DOCK3: variants seen among roughly 807,000 people sequenced by gnomAD.
DOCK3 encodes dedicator of cytokinesis 3.
In DOCK3, 60 loss-of-function variants were observed where a neutral mutation model predicts 265.6. The observed-to-expected ratio is 0.23, with a 90% CI of 0.18 to 0.28. The LOEUF is 0.28. Among genes scored for constraint, DOCK3 ranks in the 10% least tolerant of loss-of-function variants. The pLI is 1.00. For synonymous variants in DOCK3, 881 were observed against 938.0 expected, an observed-to-expected ratio of 0.94 and a Z score of 1.11; for missense variants, 1,981 against 2,594.3, an observed-to-expected ratio of 0.76 and a Z score of 5.14.
chr3:51,112,487 T>G (rs965934388), intron 9 of DOCK3, among the ~76,000 whole-genome samples: 8 of 152,246 alleles, frequency 5.3e-5, no homozygotes, highest in African/African-American at 1.7e-4. Flanking sequence ...GCCATGGTGA[T>G]TCCCTAAGCA....
intron 12 of DOCK3, among the ~76,000 whole-genome samples, chr3:51,201,025 C>A (rs1167225570): frequency 1.3e-5 from 2 of 152,016 alleles, no homozygotes; most frequent in African/African-American, 4.8e-5. Context: ...CTGAGGGAAG[C>A]ACTAAACATG....
chr3:50,817,683 T>TCTTTGGGGCTATTTTTTTTTTCC (rs1351655685), intron 2 of DOCK3, among the ~76,000 whole-genome samples: 1 of 151,260 alleles, frequency 6.6e-6, no homozygotes, highest in Non-Finnish European at 1.5e-5. Context: ...CTACTTTTTC[T>TCTTTGGGGCTATTTTTTTTTTCC]CTTTGGGGCT....
chr3:51,061,687 A>G (rs903087482), intron 5 of DOCK3, among the ~76,000 whole-genome samples: 5 of 151,992 alleles, frequency 3.3e-5, no homozygotes, highest in Admixed American at 6.6e-5. Context: ...CGTTGTGAAC[A>G]TGTACCCTAA....
At chr3:51,345,627 A>AC (rs971143119) in intron 38 of DOCK3, among the ~76,000 whole-genome samples, 19 of 152,250 alleles carry the variant, frequency 1.2e-4, no homozygotes, top group Admixed American at 1.2e-3. Flanking sequence ...GTTTCCAAAA[A>AC]AAACAAACAA....
intron 51 of DOCK3, chr3:51,379,468 C>T (rs1203812344): frequency 2.0e-6 from 2 of 985,472 alleles, no homozygotes; most frequent in Non-Finnish European, 2.4e-6. Flanking sequence ...CAGCCCCCAG[C>T]AGCTGGAGTC....
intron 3 of DOCK3, chr3:50,876,734 G>T: frequency 6.5e-6 from 1 of 153,272 alleles, no homozygotes; most frequent in South Asian, 1.9e-4. Context: ...ATTTACTGAT[G>T]AGATTCATAA....
chr3:51,377,706 C>T (rs748378325), intron 51 of DOCK3, among the ~76,000 whole-genome samples: 32 of 152,246 alleles, frequency 2.1e-4, no homozygotes, highest in Non-Finnish European at 3.2e-4. Flanking sequence ...AACTTGATGG[C>T]TTCTGGTTTA....
intron 5 of DOCK3, among the ~76,000 whole-genome samples, chr3:51,041,637 A>G (rs557017835): frequency 3.3e-4 from 51 of 152,244 alleles, no homozygotes; most frequent in African/African-American, 1.2e-3. Flanking sequence ...CATCTCCATC[A>G]AGATCTTAGG....
At chr3:51,259,312 G>C (rs1390085641) in intron 22 of DOCK3, among the ~76,000 whole-genome samples, 4 of 152,182 alleles carry the variant, frequency 2.6e-5, no homozygotes, top group Non-Finnish European at 5.9e-5. Flanking sequence ...TATATTTCAA[G>C]TACCTGACTT....
At chr3:50,932,040 C>T (rs2051096243) in intron 4 of DOCK3, among the ~76,000 whole-genome samples, 1 of 152,160 alleles carries the variant, frequency 6.6e-6, no homozygotes, top group Admixed American at 6.5e-5. Flanking sequence ...TTCTTGGGGG[C>T]AGATGACAGT....
At chr3:51,316,847 T>C (rs2083395035) in intron 32 of DOCK3, among the ~76,000 whole-genome samples, 1 of 152,244 alleles carries the variant, frequency 6.6e-6, no homozygotes, top group Admixed American at 6.5e-5. Flanking sequence ...TTATATATTC[T>C]GTATGTAAGT....
intron 32 of DOCK3, among the ~76,000 whole-genome samples, chr3:51,317,581 AAATAATAAT>A (rs35402276): frequency 0.078 from 10,817 of 139,104 alleles, 857 homozygotes; most frequent in East Asian, 0.32. Context: ...CTCCATCACA[AAATAATAAT>A]AATAATAATA....
chr3:50,683,840 C>G (rs1373763891), intron 1 of DOCK3, among the ~76,000 whole-genome samples: 2 of 112,798 alleles, frequency 1.8e-5, no homozygotes, highest in African/African-American at 6.6e-5. Flanking sequence ...CTCTCCTCCC[C>G]CCCCCCCACC....
At chr3:51,197,548 G>A (rs1284402678) in intron 12 of DOCK3, among the ~76,000 whole-genome samples, 1 of 152,166 alleles carries the variant, frequency 6.6e-6, no homozygotes, top group African/African-American at 2.4e-5. Context: ...GAGTTTAGGA[G>A]AAGTACTCAG....
chr3:51,047,912 C>G (rs1300957467), intron 5 of DOCK3, among the ~76,000 whole-genome samples: 2 of 152,030 alleles, frequency 1.3e-5, no homozygotes, highest in African/African-American at 2.4e-5. Context: ...ATTACCAAAG[C>G]GAGACAAAGA....
chr3:51,179,555 G>A (rs1026909123), intron 12 of DOCK3, among the ~76,000 whole-genome samples: 1 of 152,168 alleles, frequency 6.6e-6, no homozygotes, highest in Non-Finnish European at 1.5e-5. Context: ...AGCAGGTATA[G>A]ATAAAAATAG....
intron 5 of DOCK3, among the ~76,000 whole-genome samples, chr3:50,992,180 G>C (rs1248749407): frequency 6.6e-6 from 1 of 152,188 alleles, no homozygotes; most frequent in African/African-American, 2.4e-5. Context: ...ACAACTGAAA[G>C]AATCAGAGAA....
intron 14 of DOCK3, among the ~76,000 whole-genome samples, chr3:51,223,150 T>C (rs1313088084): frequency 1.3e-5 from 2 of 152,218 alleles, no homozygotes; most frequent in Non-Finnish European, 2.9e-5. Context: ...TTGCCCAGGC[T>C]AGTTTGGACT....
At chr3:51,150,288 C>G (rs928432580) in intron 10 of DOCK3, among the ~76,000 whole-genome samples, 1 of 152,116 alleles carries the variant, frequency 6.6e-6, no homozygotes, top group Non-Finnish European at 1.5e-5. Flanking sequence ...AAAAAAACAG[C>G]TCCTGGATTC....
Sources: gnomAD v4.1 joint callset for allele counts (sites outside exome capture counted in the v4.1 genomes callset) on GRCh38, gnomAD v4.1.1 for gene constraint, MANE v1.5 for transcripts, NCBI Gene and HGNC (gene_info 2026-07-23, HGNC 2026-07-21) for gene names.